ERBB4: variants seen among roughly 807,000 people sequenced by gnomAD.
ERBB4 encodes the protein receptor tyrosine-protein kinase erbB-4.
In ERBB4, 42 loss-of-function variants were observed where a neutral mutation model predicts 158.0. The observed-to-expected ratio is 0.27, with a 90% confidence interval of 0.21 to 0.34. The LOEUF (loss-of-function observed/expected upper bound fraction) is 0.34. ERBB4 is among the 10% of genes least tolerant of loss of function. The pLI is 1.00. For missense variants in ERBB4, 1,333 were observed against 1,624.1 expected (o/e 0.82, Z 3.08); for synonymous variants, 583 against 558.7 (o/e 1.04, Z -0.61).
chr2:212,470,256 T>C (rs1689049209), intron 1 of ERBB4, among the ~76,000 whole-genome samples: 1 of 152,074 alleles, frequency 6.6e-6, no homozygotes, highest in Non-Finnish European at 1.5e-5. Context: ...TTACAACACA[T>C]CTATCTGGAA....
chr2:212,216,252 A>G (rs1358519133), intron 1 of ERBB4, among the ~76,000 whole-genome samples: 1 of 151,318 alleles, frequency 6.6e-6, no homozygotes, highest in Non-Finnish European at 1.5e-5. Flanking sequence ...ATAAGATCCA[A>G]TGACACCATT....
chr2:212,265,534 T>G (rs2085103396), intron 1 of ERBB4, among the ~76,000 whole-genome samples: 1 of 151,754 alleles, frequency 6.6e-6, no homozygotes, highest in African/African-American at 2.4e-5. Context: ...GCTTTGGGGG[T>G]CTCTAATGTT....
rs145153385 is a variant in ERBB4, at chr2:211,480,012, G to A, written c.2488-48912C>T. On this transcript the variant is annotated intron_variant, in intron 20 of 27. Transcript: ENST00000342788. ...GGTTGTAGGCAATAGGTATGCTGAAGTGTGGCATAACCAGTTGTCTCTGCC... is the reference window on the plus strand; with the variant it reads ...GGTTGTAGGCAATAGGTATGCTGAAATGTGGCATAACCAGTTGTCTCTGCC... 2.6e-5 allele frequency among the ~76,000 whole-genome samples: 4 copies of A among 152,250 alleles called. No homozygotes were observed. In the East Asian group the frequency reaches 7.7e-4, roughly 29 times the overall value.
intron 2 of ERBB4, among the ~76,000 whole-genome samples, chr2:212,029,597 A>G (rs1201958220): frequency 3.9e-5 from 6 of 152,188 alleles, no homozygotes; most frequent in Non-Finnish European, 8.8e-5. Flanking sequence ...ATAAGTTCTG[A>G]ATATTCATGA....
chr2:211,682,389 A>G (rs1326715665), intron 12 of ERBB4, among the ~76,000 whole-genome samples: 1 of 152,150 alleles, frequency 6.6e-6, no homozygotes, highest in Non-Finnish European at 1.5e-5. Flanking sequence ...AGTGTACCAG[A>G]TGATGCCCAC....
Position 211,387,103 on chromosome 2 carries a change from C to G in ERBB4, c.3231G>C (p.Val1077=), listed in dbSNP as rs2125320315. Residue 1077 remains valine, a synonymous_variant, in exon 27 of 28, where the codon GTG becomes GTC. Coordinates refer to ENST00000342788, the MANE Select transcript of ERBB4 (RefSeq NM_005235.3). ...TAGTTGGGGCTCTGTAGGGCACAGA[C>G]ACTCCTTGTTCAGCAGCAAAACCTC... ...RDGGFAAEQG[V]SVPYRAPTST... 1 of 1,614,034 alleles carries G rather than the reference C, an allele frequency of 6.2e-7. No homozygotes were observed. The highest frequency in any genetic ancestry group is 8.5e-7 in the Non-Finnish European group (1 of 1,179,904).
rs144472129 is a variant in ERBB4 at position 211,935,471 on chromosome 2, C to T, written c.421+11959G>A. Reference sequence around the variant, plus strand: ...GCCAGTACACACTCTTTCTCTCTTGCGGGACACCAATTTCAGGCTCCCTGG... The same window carrying T: ...GCCAGTACACACTCTTTCTCTCTTGTGGGACACCAATTTCAGGCTCCCTGG... On this transcript the variant is annotated intron_variant, in intron 3 of 27. Transcript: ENST00000342788. Among the ~76,000 whole-genome samples, 547 of 152,236 alleles carry T rather than the reference C, an allele frequency of 3.6e-3. 3 individuals carry two copies. The highest frequency in any genetic ancestry group is 0.012 in the African/African-American group (514 of 41,544).
At chr2:211,419,532 T>C (rs1185353566) in intron 25 of ERBB4, among the ~76,000 whole-genome samples, 2 of 152,052 alleles carry the variant, frequency 1.3e-5, no homozygotes, top group African/African-American at 4.8e-5. Context: ...AAGCATCATG[T>C]TTATATCTTA....
intron 1 of ERBB4, among the ~76,000 whole-genome samples, chr2:212,510,746 T>C (rs1691472469): frequency 6.6e-6 from 1 of 152,040 alleles, no homozygotes; most frequent in Non-Finnish European, 1.5e-5. Context: ...GGGACATCTG[T>C]TAACATGACA....
chr2:212,216,834 C>T (rs2083114485), intron 1 of ERBB4, among the ~76,000 whole-genome samples: 1 of 151,316 alleles, frequency 6.6e-6, no homozygotes, highest in Non-Finnish European at 1.5e-5. Flanking sequence ...ACCGTAATTC[C>T]TGGCCTTCAG....
intron 1 of ERBB4, among the ~76,000 whole-genome samples, chr2:212,389,158 A>G (rs1020755554): frequency 3.9e-5 from 6 of 152,130 alleles, no homozygotes; most frequent in African/African-American, 1.4e-4. Context: ...GCATAACATT[A>G]GCAAACCCCT....
chr2:212,106,925 G>A (rs544564382), intron 2 of ERBB4, among the ~76,000 whole-genome samples: 1 of 152,230 alleles, frequency 6.6e-6, no homozygotes, highest in South Asian at 2.1e-4. Flanking sequence ...TGAGGTTTGG[G>A]AACCTCTGCC....
At chr2:212,506,748 T>C (rs540270238) in intron 1 of ERBB4, among the ~76,000 whole-genome samples, 55 of 152,236 alleles carry the variant, frequency 3.6e-4, no homozygotes, top group African/African-American at 1.1e-3. Context: ...GGTTTAAGGA[T>C]AGAAGCTGGT....
intron 16 of ERBB4, among the ~76,000 whole-genome samples, chr2:211,640,702 A>T (rs1410867095): frequency 6.6e-6 from 1 of 152,208 alleles, no homozygotes; most frequent in Admixed American, 6.5e-5. Context: ...ATAGATAAGC[A>T]GGAAAAAGAA....
intron 1 of ERBB4, among the ~76,000 whole-genome samples, chr2:212,392,273 G>A (rs1190555125): frequency 1.3e-5 from 2 of 151,858 alleles, no homozygotes; most frequent in Non-Finnish European, 2.9e-5. Flanking sequence ...CAATTACATG[G>A]TCAGTGACTC....
intron 3 of ERBB4, among the ~76,000 whole-genome samples, chr2:211,829,190 C>G (rs1410910845): frequency 1.3e-5 from 2 of 152,130 alleles, no homozygotes. Context: ...TTCCATTAAC[C>G]CGTCCCTATG....
In ERBB4 at chr2:212,446,578, C is replaced by CATATATATATATAT. The variant is rs1491199974; in HGVS notation, c.82+91870_82+91871insATATATATATATAT. Among the ~76,000 whole-genome samples, 18 of 57,232 alleles carry CATATATATATATAT rather than the reference C, an allele frequency of 3.1e-4. 2 individuals carry two copies. The highest frequency in any genetic ancestry group is 4.5e-4 in the Admixed American group (2 of 4,452). The allele number at this position is 57,232 out of a possible 152,430, so 37.5% of individuals were successfully genotyped here. ...TGTAAGTTAATACTTAATAAACTCC[C>CATATATATATATAT]ATATATATATATGTATATATATATA... On this transcript the variant is annotated intron_variant, in intron 1 of 27. Coordinates refer to ENST00000342788, the MANE Select transcript of ERBB4 (RefSeq NM_005235.3).
At chr2:212,308,260 A>C (rs1267970076) in intron 1 of ERBB4, among the ~76,000 whole-genome samples, 1 of 151,136 alleles carries the variant, frequency 6.6e-6, no homozygotes, top group Non-Finnish European at 1.5e-5. Context: ...TTACCAGCCA[A>C]ATTATAGTAT....
At chr2:212,220,453 G>A (rs10206443) in intron 1 of ERBB4, among the ~76,000 whole-genome samples, 70,261 of 150,988 alleles carry the variant, frequency 0.47, 16,729 homozygotes, top group East Asian at 0.77. Context: ...CAGAGATTTG[G>A]TTTTATTTCC....
Sources: allele counts gnomAD v4.1 joint callset (sites outside exome capture counted in the v4.1 genomes callset), GRCh38; gene constraint gnomAD v4.1.1; transcripts MANE v1.5; gene names NCBI Gene and HGNC (gene_info 2026-07-23, HGNC 2026-07-21).